Variants in TMEM163 observed in about 807,000 individuals in gnomAD.
The protein encoded by TMEM163 is transmembrane protein 163.
Under a neutral mutation model 29.3 loss-of-function variants are expected in TMEM163, and 17 were observed. The ratio of observed to expected loss-of-function variants is 0.58; its 90% CI spans 0.40 to 0.87. The LOEUF (loss-of-function observed/expected upper bound fraction) is 0.87, where lower values mean the gene tolerates loss of function less well. Ranked by LOEUF, TMEM163 falls within the 40% of genes least tolerant of loss-of-function variation. TMEM163 has a pLI of 0.00. For synonymous variants in TMEM163, 157 were observed against 160.6 expected (o/e 0.98, Z 0.17); for missense variants, 303 against 381.5 (o/e 0.79, Z 1.71).
intron 2 of TMEM163, among the ~76,000 whole-genome samples, chr2:134,711,921 T>C (rs943715113): frequency 3.1e-4 from 47 of 152,206 alleles, no homozygotes; most frequent in Non-Finnish European, 4.4e-5. Flanking sequence ...ATGTAAATTA[T>C]GGTGTCTGAT....
intron 2 of TMEM163, among the ~76,000 whole-genome samples, chr2:134,673,468 C>T (rs2104868507): frequency 6.6e-6 from 1 of 152,286 alleles, no homozygotes; most frequent in South Asian, 2.1e-4. Context: ...AAACAGTGCT[C>T]CCCAAAGATG....
Position 134,546,487 on chromosome 2 carries a change from CA to C in TMEM163, c.458+4082del, listed in dbSNP as rs1165414788. On this transcript the variant is annotated intron_variant, in intron 4 of 7. Coordinates refer to ENST00000281924, the MANE Select transcript of TMEM163 (RefSeq NM_030923.5). ...CAAAACTCCATCTCTACTAAAAATACAAAAAAATTAGCCGGGCCCCATGGCG... is the reference window on the plus strand; with the variant it reads ...CAAAACTCCATCTCTACTAAAAATACAAAAAATTAGCCGGGCCCCATGGCG... 7.2e-5 allele frequency among the ~76,000 whole-genome samples: 11 copies of C among 152,084 alleles called. No homozygotes were observed. The South Asian group carries it at 2.3e-3, about 32-fold the overall frequency.
At chr2:134,569,610 T>C (rs1436545214) in intron 2 of TMEM163, among the ~76,000 whole-genome samples, 1 of 152,068 alleles carries the variant, frequency 6.6e-6, no homozygotes, top group East Asian at 1.9e-4. Context: ...ATATAATTAT[T>C]ACCCACCAAG....
At chr2:134,585,968 G>A (rs924990365) in intron 2 of TMEM163, among the ~76,000 whole-genome samples, 2 of 152,126 alleles carry the variant, frequency 1.3e-5, no homozygotes, top group African/African-American at 4.8e-5. Context: ...GAAGATTTTT[G>A]TGCATGGACT....
intron 4 of TMEM163, among the ~76,000 whole-genome samples, chr2:134,504,495 C>T (rs1679777441): frequency 6.6e-6 from 1 of 151,628 alleles, no homozygotes; most frequent in Admixed American, 6.6e-5. Context: ...GAGAACTCCA[C>T]ACTGCTGAAA....
At chr2:134,545,532 C>A (rs985758523) in intron 4 of TMEM163, among the ~76,000 whole-genome samples, 1 of 152,084 alleles carries the variant, frequency 6.6e-6, no homozygotes, top group Non-Finnish European at 1.5e-5. Flanking sequence ...ACCCACCACA[C>A]CTCCCTCCTG....
At chr2:134,592,483 AT>A (rs1406726203) in intron 2 of TMEM163, among the ~76,000 whole-genome samples, 1 of 152,168 alleles carries the variant, frequency 6.6e-6, no homozygotes, top group African/African-American at 2.4e-5. Flanking sequence ...TCAGGTTGGA[AT>A]TTAGTATCTT....
At chr2:134,545,158 A>C (rs1175843035) in intron 4 of TMEM163, among the ~76,000 whole-genome samples, 16 of 152,168 alleles carry the variant, frequency 1.1e-4, no homozygotes, top group Admixed American at 9.8e-4. Context: ...GACGTTAAGT[A>C]AACAGATAGT....
At chr2:134,556,756 G>A (rs1681057621) in intron 2 of TMEM163, among the ~76,000 whole-genome samples, 1 of 152,210 alleles carries the variant, frequency 6.6e-6, no homozygotes, top group Non-Finnish European at 1.5e-5. Flanking sequence ...AGGAGGTAGA[G>A]GTTGCAATGA....
intron 4 of TMEM163, among the ~76,000 whole-genome samples, chr2:134,541,797 C>CAT (rs1247396979): frequency 2.9e-5 from 4 of 138,144 alleles, no homozygotes; most frequent in African/African-American, 1.1e-4. Context: ...CACACACACA[C>CAT]ACACATACAC....
chr2:134,664,090 T>C (rs1683819323), intron 2 of TMEM163, among the ~76,000 whole-genome samples: 1 of 152,266 alleles, frequency 6.6e-6, no homozygotes, highest in Admixed American at 6.5e-5. Context: ...CCCTTTCCTC[T>C]TGCATAAATT....
intron 2 of TMEM163, among the ~76,000 whole-genome samples, chr2:134,712,305 A>AAC (rs924846996): frequency 6.6e-6 from 1 of 152,212 alleles, no homozygotes; most frequent in Admixed American, 6.5e-5. Flanking sequence ...AATTTTAAAC[A>AAC]ACACACACAC....
chr2:134,682,531 G>A (rs1030854928), intron 2 of TMEM163, among the ~76,000 whole-genome samples: 4 of 152,200 alleles, frequency 2.6e-5, no homozygotes, highest in Non-Finnish European at 5.9e-5. Flanking sequence ...GGCTAAGAGC[G>A]TGAAGAGCCT....
intron 5 of TMEM163, among the ~76,000 whole-genome samples, chr2:134,497,666 G>A (rs1679602321): frequency 6.6e-6 from 1 of 152,210 alleles, no homozygotes; most frequent in Non-Finnish European, 1.5e-5. Context: ...ACTTCTCACA[G>A]TTCTGTTGTG....
At chr2:134,494,996 G>T (rs1276214128) in intron 5 of TMEM163, among the ~76,000 whole-genome samples, 1 of 108,976 alleles carries the variant, frequency 9.2e-6, no homozygotes, top group African/African-American at 3.8e-5. Flanking sequence ...TCCCTCCCAG[G>T]TTCTCCCTCC....
intron 2 of TMEM163, among the ~76,000 whole-genome samples, chr2:134,674,463 C>T (rs1191832002): frequency 6.7e-6 from 1 of 149,870 alleles, no homozygotes; most frequent in Admixed American, 6.6e-5. Flanking sequence ...CCTGCCTCAG[C>T]CTCCCAAGTA....
intron 2 of TMEM163, among the ~76,000 whole-genome samples, chr2:134,649,928 C>T (rs1683427618): frequency 6.7e-6 from 1 of 149,310 alleles, no homozygotes; most frequent in Non-Finnish European, 1.5e-5. Flanking sequence ...TCTCTTGAGG[C>T]CAAGAGACTG....
intron 5 of TMEM163, among the ~76,000 whole-genome samples, chr2:134,482,706 T>C (rs1679219164): frequency 6.6e-6 from 1 of 152,218 alleles, no homozygotes; most frequent in Non-Finnish European, 1.5e-5. Flanking sequence ...TCGCCAAGCC[T>C]GAGCCCTCCA....
intron 5 of TMEM163, among the ~76,000 whole-genome samples, chr2:134,484,323 T>C (rs1395377767): frequency 4.6e-5 from 7 of 151,998 alleles, no homozygotes; most frequent in Non-Finnish European, 1.5e-5. Context: ...AAACACAAGT[T>C]TTTTTTTCTC....
Sources: allele counts gnomAD v4.1 joint callset (sites outside exome capture counted in the v4.1 genomes callset), GRCh38; gene constraint gnomAD v4.1.1; transcripts MANE v1.5; gene names NCBI Gene and HGNC (gene_info 2026-07-23, HGNC 2026-07-21).